CEP70: variants seen among roughly 807,000 people sequenced by gnomAD.
The protein encoded by CEP70 is centrosomal protein of 70 kDa.
CEP70 carries 70 observed loss-of-function variants against 90.9 expected under a neutral mutation model. That is an observed-to-expected ratio of 0.77 (90% CI 0.64 to 0.94). The LOEUF (loss-of-function observed/expected upper bound fraction) is 0.94, where lower values mean the gene tolerates loss of function less well. Ranked by LOEUF, CEP70 falls within the 40% of genes least tolerant of loss-of-function variation. The probability of loss-of-function intolerance (pLI) is 0.00; values close to 1 mark genes in which losing one functional copy is unlikely to be tolerated. For missense variants in CEP70, 648 were observed against 669.0 expected (o/e 0.97, Z 0.35); for synonymous variants, 220 against 228.3 (o/e 0.96, Z 0.33).
chr3:138,505,565 C>A, intron 12 of CEP70, 100 bp from the exon 13 acceptor site: 1 of 631,078 alleles, frequency 1.6e-6, no homozygotes, highest in Non-Finnish European at 2.4e-6. Context: ...ATTATATACA[C>A]ATATTTCATT....
intron 2 of CEP70, among the ~76,000 whole-genome samples, chr3:138,585,773 A>G (rs1389336399): frequency 1.3e-5 from 2 of 152,238 alleles, no homozygotes; most frequent in Admixed American, 1.3e-4. Flanking sequence ...AAAGGTGCCA[A>G]GAACATACAT....
chr3:138,585,474 C>T (rs1213292151), intron 2 of CEP70, among the ~76,000 whole-genome samples: 1 of 152,112 alleles, frequency 6.6e-6, no homozygotes. Context: ...TTACTCAAAG[C>T]AATCTACAGA....
chr3:138,581,435 GGCTCAT>G (rs1318276065), intron 2 of CEP70, among the ~76,000 whole-genome samples: 1 of 152,020 alleles, frequency 6.6e-6, no homozygotes, highest in Non-Finnish European at 1.5e-5. Context: ...CGGGCGCAGT[GGCTCAT>G]GCCTGTAATC....
chr3:138,530,602 C>A (rs947836549), intron 8 of CEP70: 9 of 985,408 alleles, frequency 9.1e-6, no homozygotes, highest in Non-Finnish European at 1.1e-5. Flanking sequence ...CATGTCCCAC[C>A]TGTCTTCTTC....
intron 17 of CEP70, chr3:138,497,489 A>AT (rs2034053428): frequency 1.0e-6 from 1 of 970,134 alleles, no homozygotes; most frequent in Non-Finnish European, 1.2e-6. Context: ...ATTTTGCCTT[A>AT]TGAGTCCTAA....
chr3:138,568,202 T>G (rs1560429299), intron 6 of CEP70, among the ~76,000 whole-genome samples: 1 of 152,182 alleles, frequency 6.6e-6, no homozygotes, highest in Non-Finnish European at 1.5e-5. Flanking sequence ...GACAAATCTT[T>G]GGGACCTGGA....
At chr3:138,550,923 A>T (rs1423085458) in intron 6 of CEP70, among the ~76,000 whole-genome samples, 1 of 152,212 alleles carries the variant, frequency 6.6e-6, no homozygotes, top group Non-Finnish European at 1.5e-5. Flanking sequence ...GGAGAAGAGA[A>T]ATCTAAAAGT....
chr3:138,555,248 C>CAAAAAAAAAAA (rs200406072), intron 6 of CEP70, among the ~76,000 whole-genome samples: 1 of 127,212 alleles, frequency 7.9e-6, no homozygotes. Context: ...GACTCCATCT[C>CAAAAAAAAAAA]AAAAAAAAAA....
In CEP70 at chr3:138,502,897, G is replaced by A. The variant is rs541717690; in HGVS notation, c.1222-2016C>T. Among the ~76,000 whole-genome samples the A allele has an allele frequency of 7.2e-5, 11 of 152,288 alleles. No individual in the cohort carries two copies. The South Asian group carries it at 1.7e-3, about 23-fold the overall frequency. ...TAGCAAAGCAAAAGTATTCAAGAGT[G>A]TACTGGGTTGGGGAAAGCTACAACA... On this transcript the variant is annotated intron_variant, in intron 13 of 17. Transcript: ENST00000264982.
chr3:138,586,366 T>C (rs552779709), intron 2 of CEP70, among the ~76,000 whole-genome samples: 1 of 152,226 alleles, frequency 6.6e-6, no homozygotes, highest in East Asian at 1.9e-4. Context: ...TAAAGAGATA[T>C]CTGCACTCTC....
At chr3:138,580,350 A>C (rs1253766102) in intron 2 of CEP70, among the ~76,000 whole-genome samples, 1 of 152,174 alleles carries the variant, frequency 6.6e-6, no homozygotes, top group African/African-American at 2.4e-5. Context: ...AGAGAAAGCA[A>C]GGGAAGACAA....
intron 13 of CEP70, among the ~76,000 whole-genome samples, chr3:138,504,273 T>C (rs2034777713): frequency 6.6e-6 from 1 of 152,218 alleles, no homozygotes. Flanking sequence ...AAAATGTTTA[T>C]GTATTGTATA....
chr3:138,550,733 A>G (rs908681038), intron 6 of CEP70, among the ~76,000 whole-genome samples: 1 of 152,248 alleles, frequency 6.6e-6, no homozygotes, highest in Admixed American at 6.5e-5. Context: ...AATGTTCTGG[A>G]AAGTCTCAGC....
chr3:138,525,522 CT>C lies in CEP70; in HGVS notation c.911del (p.Lys304ArgfsTer40). 7.0e-7 allele frequency: 1 copy of C among 1,422,904 alleles called. No homozygotes were observed. The highest frequency in any genetic ancestry group is 1.9e-5 in the South Asian group (1 of 51,550). 88.1% of individuals were successfully genotyped at this position (1,422,904 alleles called of 1,614,324 possible). On this transcript the variant is annotated frameshift_variant, in exon 11 of 18. Coordinates refer to ENST00000264982, the MANE Select transcript of CEP70 (RefSeq NM_024491.4). LOFTEE classifies it high-confidence loss of function. Reference sequence around the variant, plus strand: ...TTTTCTTAAGGGCTTTTTCCAGCTTCTTCACCTGCTGTTTATAAAGTCTTAA... The same window carrying C: ...TTTTCTTAAGGGCTTTTTCCAGCTTCTCACCTGCTGTTTATAAAGTCTTAA... ...HELRLYKQQV[K>X]KLEKALKKNV...
chr3:138,584,461 C>CAA (rs35985463), intron 2 of CEP70, among the ~76,000 whole-genome samples: 1,866 of 91,982 alleles, frequency 0.02, 32 homozygotes, highest in African/African-American at 0.051. Flanking sequence ...AAAGACATAT[C>CAA]AAAAAAAAAA....
chr3:138,581,399 GAT>G (rs2041848127), intron 2 of CEP70, among the ~76,000 whole-genome samples: 1 of 151,330 alleles, frequency 6.6e-6, no homozygotes, highest in Non-Finnish European at 1.5e-5. Context: ...AGTAGAAAGA[GAT>G]AGGGGTAGAA....
intron 6 of CEP70, among the ~76,000 whole-genome samples, chr3:138,548,919 C>T (rs1298894677): frequency 6.6e-6 from 1 of 152,148 alleles, no homozygotes; most frequent in Non-Finnish European, 1.5e-5. Context: ...GATTGTCCAC[C>T]CCTGAATACA....
At chr3:138,548,652 T>C (rs759462727) in intron 6 of CEP70, among the ~76,000 whole-genome samples, 4 of 152,064 alleles carry the variant, frequency 2.6e-5, no homozygotes, top group Non-Finnish European at 4.4e-5. Context: ...TGAACTACAG[T>C]GTAAAGAAAC....
intron 6 of CEP70, among the ~76,000 whole-genome samples, chr3:138,546,190 T>C (rs968833828): frequency 6.6e-6 from 1 of 152,144 alleles, no homozygotes; most frequent in Non-Finnish European, 1.5e-5. Flanking sequence ...CTTTGTACTC[T>C]TTCTCTTTTT....
Sources: allele counts gnomAD v4.1 joint callset (sites outside exome capture counted in the v4.1 genomes callset), GRCh38; gene constraint gnomAD v4.1.1; transcripts MANE v1.5; gene names NCBI Gene and HGNC (gene_info 2026-07-23, HGNC 2026-07-21).